Variants in GMDS observed in about 807,000 individuals in gnomAD.
The protein encoded by GMDS is GDP-mannose 4,6 dehydratase.
Under a neutral mutation model 49.9 loss-of-function variants are expected in GMDS, and 20 were observed. That is an observed-to-expected ratio of 0.40 (90% CI 0.28 to 0.58). GMDS has a LOEUF of 0.58. GMDS is among the 20% of genes least tolerant of loss of function. The pLI is 0.42. For missense variants in GMDS, 362 were observed against 481.4 expected (o/e 0.75, Z 2.32); for synonymous variants, 177 against 178.6 (o/e 0.99, Z 0.07).
At chr6:1,868,975 T>C (rs1169141006) in intron 7 of GMDS, among the ~76,000 whole-genome samples, 3 of 152,166 alleles carry the variant, frequency 2.0e-5, no homozygotes, top group Non-Finnish European at 2.9e-5. Flanking sequence ...ACAAGTGAAA[T>C]AATAAAGTGC....
intron 9 of GMDS, among the ~76,000 whole-genome samples, chr6:1,652,698 TTATATATA>T (rs57897372): frequency 0.023 from 43 of 1,892 alleles, 11 homozygotes; most frequent in African/African-American, 0.035. Context: ...ATATAATATA[TTATATATA>T]TATATATATA....
intron 7 of GMDS, among the ~76,000 whole-genome samples, chr6:1,744,817 C>T (rs1377547046): frequency 2.0e-5 from 3 of 152,250 alleles, no homozygotes; most frequent in African/African-American, 4.8e-5. Flanking sequence ...TCTCTAGGTC[C>T]CGGACCAGGG....
chr6:1,684,675 T>C (rs1413970874), intron 9 of GMDS, among the ~76,000 whole-genome samples: 1 of 152,166 alleles, frequency 6.6e-6, no homozygotes, highest in Non-Finnish European at 1.5e-5. Flanking sequence ...CAGGACTGAC[T>C]ACAAAGCAGG....
chr6:1,821,860 C>A (rs910307684), intron 7 of GMDS, among the ~76,000 whole-genome samples: 1 of 151,650 alleles, frequency 6.6e-6, no homozygotes, highest in East Asian at 1.9e-4. Context: ...GGGGAGGGGA[C>A]GCCAATTCTG....
At chr6:1,689,881 C>T (rs1300417562) in intron 9 of GMDS, among the ~76,000 whole-genome samples, 1 of 145,896 alleles carries the variant, frequency 6.9e-6, no homozygotes, top group East Asian at 2.0e-4. Flanking sequence ...TGGCTTACAA[C>T]AGCATAGAAA....
At chr6:1,832,580 C>A (rs922437153) in intron 7 of GMDS, among the ~76,000 whole-genome samples, 1 of 151,940 alleles carries the variant, frequency 6.6e-6, no homozygotes, top group Non-Finnish European at 1.5e-5. Context: ...CTTGGCTGTT[C>A]CGGACTCACT....
chr6:1,784,390 CAAAAAAAAAAAA>C (rs780517217), intron 7 of GMDS, among the ~76,000 whole-genome samples: 5 of 40,494 alleles, frequency 1.2e-4, no homozygotes, highest in East Asian at 5.8e-4. Flanking sequence ...AGACTCGTCT[CAAAAAAAAAAAA>C]AAAAAAAAAA....
rs141434009 is a variant in GMDS at position 2,116,445 on chromosome 6, C to T, written c.236-565G>A. 4.6e-3 allele frequency among the ~76,000 whole-genome samples: 707 copies of T among 152,320 alleles called. 2 individuals carry two copies. The highest frequency in any genetic ancestry group is 7.3e-3 in the Non-Finnish European group (500 of 68,028). ...ACTTCATTAGCATAAGAATTTGATA[C>T]ATGTGGATGGGTGATGTACTAACTT... On this transcript the variant is annotated intron_variant, in intron 3 of 10. Coordinates refer to ENST00000380815, the MANE Select transcript of GMDS (RefSeq NM_001500.4).
intron 1 of GMDS, among the ~76,000 whole-genome samples, chr6:2,211,566 A>T (rs1316736775): frequency 6.6e-6 from 1 of 152,138 alleles, no homozygotes; most frequent in African/African-American, 2.4e-5. Context: ...TTCAAAATAA[A>T]CCAAAAGGAT....
chr6:1,686,399 G>A (rs1269406434), intron 9 of GMDS, among the ~76,000 whole-genome samples: 1 of 152,218 alleles, frequency 6.6e-6, no homozygotes, highest in East Asian at 1.9e-4. Context: ...AAGACCAACT[G>A]GAAATGGTTG....
intron 7 of GMDS, among the ~76,000 whole-genome samples, chr6:1,810,411 T>G (rs920881488): frequency 3.3e-5 from 5 of 152,110 alleles, no homozygotes; most frequent in African/African-American, 1.2e-4. Context: ...GCCTCCTGAG[T>G]AGATGGGACT....
At chr6:2,076,571 C>A (rs1387843800) in intron 4 of GMDS, among the ~76,000 whole-genome samples, 1 of 152,044 alleles carries the variant, frequency 6.6e-6, no homozygotes, top group Non-Finnish European at 1.5e-5. Context: ...AGATATAGAC[C>A]AATGGAACAG....
intron 8 of GMDS, among the ~76,000 whole-genome samples, chr6:1,733,478 C>T (rs1041182021): frequency 4.6e-5 from 7 of 152,112 alleles, no homozygotes; most frequent in African/African-American, 1.4e-4. Context: ...CTGGAGGGAC[C>T]CCGATTCTGA....
chr6:2,106,928 C>T (rs1241309178), intron 4 of GMDS, among the ~76,000 whole-genome samples: 3 of 151,824 alleles, frequency 2.0e-5, no homozygotes, highest in African/African-American at 4.8e-5. Flanking sequence ...CTTTACCCAC[C>T]ATTTTTATAA....
At chr6:1,807,674 A>T (rs1164814673) in intron 7 of GMDS, among the ~76,000 whole-genome samples, 24 of 152,246 alleles carry the variant, frequency 1.6e-4, no homozygotes, top group Admixed American at 6.5e-5. Flanking sequence ...TTTCAGTAAG[A>T]TTCCAGAGCA....
chr6:1,631,584 A>G (rs1470184238), intron 9 of GMDS, among the ~76,000 whole-genome samples: 4 of 151,982 alleles, frequency 2.6e-5, no homozygotes, highest in South Asian at 2.1e-4. Flanking sequence ...GTTTTTCTCA[A>G]TGTATACAGT....
intron 7 of GMDS, among the ~76,000 whole-genome samples, chr6:1,850,094 A>T (rs1561844515): frequency 6.6e-6 from 1 of 152,150 alleles, no homozygotes; most frequent in Non-Finnish European, 1.5e-5. Flanking sequence ...TTTCTTCCTA[A>T]TCCTCCTCAT....
chr6:1,924,288 C>G (rs189915988), intron 7 of GMDS, among the ~76,000 whole-genome samples: 1 of 152,230 alleles, frequency 6.6e-6, no homozygotes, highest in Non-Finnish European at 1.5e-5. Context: ...AGGTATATGA[C>G]GTTAAATTCT....
At chr6:2,198,710 T>A (rs1274143664) in intron 1 of GMDS, among the ~76,000 whole-genome samples, 2 of 152,236 alleles carry the variant, frequency 1.3e-5, no homozygotes, top group East Asian at 1.9e-4. Context: ...ATATTAGAAC[T>A]GCTGAAACTT....
Sources: gnomAD v4.1 joint callset for allele counts (sites outside exome capture counted in the v4.1 genomes callset) on GRCh38, gnomAD v4.1.1 for gene constraint, MANE v1.5 for transcripts, NCBI Gene and HGNC (gene_info 2026-07-23, HGNC 2026-07-21) for gene names.